LAMA2: variants seen among roughly 807,000 people sequenced by gnomAD.
LAMA2 encodes laminin subunit alpha-2.
In LAMA2, 269 loss-of-function variants were observed where a neutral mutation model predicts 364.8. That is an observed-to-expected ratio of 0.74 (90% CI 0.67 to 0.82). The LOEUF (loss-of-function observed/expected upper bound fraction) is 0.82, where lower values mean the gene tolerates loss of function less well. Among genes scored for constraint, LAMA2 ranks in the 40% least tolerant of loss-of-function variants. LAMA2 has a pLI of 0.00. For missense variants in LAMA2, 3,807 were observed against 3,873.2 expected (o/e 0.98, Z 0.45); for synonymous variants, 1,379 against 1,370.6 (o/e 1.01, Z -0.14).
chr6:129,449,630 T>A (rs1367105914), intron 45 of LAMA2, among the ~76,000 whole-genome samples: 1 of 152,214 alleles, frequency 6.6e-6, no homozygotes, highest in Non-Finnish European at 1.5e-5. Flanking sequence ...ATATTGGGTA[T>A]AACAACATCA....
Position 129,502,700 on chromosome 6 carries a change from G to A in LAMA2, c.8286G>A (p.Gly2762=). Residue 2762 remains glycine, a synonymous_variant, in exon 59 of 65, where the codon GGG becomes GGA. Transcript: ENST00000421865. The part of the protein sequence containing the change: ...AAESEPALLI[G]SKQFGLSRNS... ...AATCAGAACCAGCTCTTTTGATAGG[G>A]AGCAAGCAGTTCGGGCTTTCAAGAA... is the stretch of plus-strand genomic sequence containing the variant. 6.2e-7 allele frequency: 1 copy of A among 1,614,070 alleles called. No individual in the cohort carries two copies. The highest frequency in any genetic ancestry group is 8.5e-7 in the Non-Finnish European group (1 of 1,179,952).
intron 54 of LAMA2, 76 bp downstream of exon 54, chr6:129,478,889 G>C: frequency 3.8e-6 from 5 of 1,300,920 alleles, no homozygotes; most frequent in Non-Finnish European, 5.6e-6. Context: ...CTCCTACAAG[G>C]ATCAGTCTTT....
chr6:129,171,764 G>A (rs1484353535), intron 9 of LAMA2, among the ~76,000 whole-genome samples: 1 of 118,040 alleles, frequency 8.5e-6, no homozygotes, highest in African/African-American at 3.4e-5. Context: ...ATATCCTGCA[G>A]AGTGTTTTCC....
intron 1 of LAMA2, among the ~76,000 whole-genome samples, chr6:128,896,073 A>G (rs140643403): frequency 6.6e-6 from 1 of 152,316 alleles, no homozygotes; most frequent in African/African-American, 2.4e-5. Flanking sequence ...TTTCAGATGT[A>G]TAGATATATT....
intron 4 of LAMA2, among the ~76,000 whole-genome samples, chr6:129,131,653 G>A (rs1777481318): frequency 1.3e-5 from 2 of 152,140 alleles, no homozygotes; most frequent in Non-Finnish European, 2.9e-5. Context: ...GGTGCACAGA[G>A]CCAACATCCT....
intron 3 of LAMA2, among the ~76,000 whole-genome samples, chr6:129,082,647 C>T (rs1774135805): frequency 6.6e-6 from 1 of 151,806 alleles, no homozygotes; most frequent in South Asian, 2.1e-4. Context: ...TTTTGTTTTC[C>T]TGAGAAAAAT....
intron 1 of LAMA2, among the ~76,000 whole-genome samples, chr6:128,904,076 G>A (rs972454923): frequency 1.3e-5 from 2 of 152,118 alleles, no homozygotes; most frequent in African/African-American, 4.8e-5. Context: ...TGAGGCCCAG[G>A]GACCAACGCC....
chr6:129,235,118 T>C (rs1784900851), intron 12 of LAMA2, among the ~76,000 whole-genome samples: 2 of 152,080 alleles, frequency 1.3e-5, no homozygotes, highest in Admixed American at 6.6e-5. Context: ...CATTCACTAG[T>C]GAATGCCCAT....
chr6:129,391,380 C>G, intron 35 of LAMA2, 111 bp from the exon 36 acceptor site: 1 of 920,554 alleles, frequency 1.1e-6, no homozygotes, highest in Non-Finnish European at 1.8e-6. Flanking sequence ...GGAACACTCA[C>G]GGCAAAATAC....
chr6:129,022,777 T>C (rs1785524977), intron 1 of LAMA2, among the ~76,000 whole-genome samples: 1 of 152,178 alleles, frequency 6.6e-6, no homozygotes, highest in African/African-American at 2.4e-5. Context: ...AGGACTTCTT[T>C]GCAGGAGGCA....
At chr6:129,170,689 C>A (rs917733307) in intron 9 of LAMA2, among the ~76,000 whole-genome samples, 5 of 152,032 alleles carry the variant, frequency 3.3e-5, no homozygotes, top group Non-Finnish European at 4.4e-5. Flanking sequence ...CCGCTTGGTG[C>A]AGAGCTGTGT....
intron 7 of LAMA2, among the ~76,000 whole-genome samples, chr6:129,150,410 A>G (rs1778720885): frequency 6.6e-6 from 1 of 152,194 alleles, no homozygotes; most frequent in African/African-American, 2.4e-5. Flanking sequence ...ATCAGTAATC[A>G]TAAGTGGGAG....
At chr6:129,167,538 C>A (rs1779838846) in intron 9 of LAMA2, among the ~76,000 whole-genome samples, 1 of 151,884 alleles carries the variant, frequency 6.6e-6, no homozygotes, top group Admixed American at 6.5e-5. Context: ...ATAAGTGCCA[C>A]ATTTTCTTAA....
chr6:129,460,837 A>T (rs1023590597), intron 49 of LAMA2, among the ~76,000 whole-genome samples: 28 of 151,876 alleles, frequency 1.8e-4, no homozygotes, highest in Admixed American at 6.6e-5. Flanking sequence ...AAGTGCTTCA[A>T]CTGGAAACCT....
intron 1 of LAMA2, among the ~76,000 whole-genome samples, chr6:129,037,681 TTTGAGA>T (rs1786742153): frequency 6.6e-6 from 1 of 151,700 alleles, no homozygotes; most frequent in African/African-American, 2.4e-5. Flanking sequence ...TTTTTTTTTT[TTTGAGA>T]CGGAGTCTCG....
At chr6:129,107,181 A>C (rs977545304) in intron 4 of LAMA2, among the ~76,000 whole-genome samples, 1 of 152,156 alleles carries the variant, frequency 6.6e-6, no homozygotes, top group Non-Finnish European at 1.5e-5. Context: ...TCTGCCAAGG[A>C]TTAACAATAG....
chr6:129,016,248 G>A (rs1226921983), intron 1 of LAMA2, among the ~76,000 whole-genome samples: 1 of 151,904 alleles, frequency 6.6e-6, no homozygotes, highest in Admixed American at 6.6e-5. Context: ...ACAAGTATGT[G>A]GTAAAAATCA....
Position 128,961,318 on chromosome 6 carries a change from GATATATAT to G in LAMA2, c.112+78004_112+78011del, listed in dbSNP as rs58772123. Among the ~76,000 whole-genome samples, 229 of 57,726 alleles carry G rather than the reference GATATATAT, an allele frequency of 4.0e-3. 2 individuals carry two copies. The highest frequency in any genetic ancestry group is 6.5e-3 in the African/African-American group (114 of 17,490). 37.9% of individuals were successfully genotyped at this position (57,726 alleles called of 152,430 possible). A position where few individuals can be genotyped will look rare whatever the true frequency, so the allele number is the denominator to read the frequency against. On this transcript the variant is annotated intron_variant, in intron 1 of 64. Transcript: ENST00000421865. The stretch of plus-strand genomic sequence containing the variant: ...TTCTGTAGAGGGACAGAACTAATAT[GATATATAT>G]ATATATATATATATATATATATATA...
chr6:129,131,715 A>G (rs1202582244), intron 4 of LAMA2, among the ~76,000 whole-genome samples: 2 of 152,362 alleles, frequency 1.3e-5, no homozygotes, highest in South Asian at 2.1e-4. Flanking sequence ...GAATAATGGT[A>G]GGAACCTAAA....
Sources: gnomAD v4.1 joint callset for allele counts (sites outside exome capture counted in the v4.1 genomes callset) on GRCh38, gnomAD v4.1.1 for gene constraint, MANE v1.5 for transcripts, NCBI Gene and HGNC (gene_info 2026-07-23, HGNC 2026-07-21) for gene names.